The following SH3RF2 variants were observed in gnomAD, a reference collection of about 807,000 sequenced individuals.
SH3RF2 encodes the protein E3 ubiquitin-protein ligase SH3RF2.
A neutral mutation model predicts 59.0 loss-of-function variants in SH3RF2; 43 were observed. The ratio of observed to expected loss-of-function variants is 0.73; its 90% CI spans 0.57 to 0.94. SH3RF2 has a LOEUF of 0.94. Ranked by LOEUF, SH3RF2 falls within the 40% of genes least tolerant of loss-of-function variation. The pLI is 0.00. For synonymous variants in SH3RF2, 391 were observed against 391.5 expected, an observed-to-expected ratio of 1.00 and a Z score of 0.01; for missense variants, 930 against 940.1, an observed-to-expected ratio of 0.99 and a Z score of 0.14.
In SH3RF2 at chr5:145,965,357, G is replaced by T. The variant is rs562777403; in HGVS notation, c.378+27051G>T. On this transcript the variant is annotated intron_variant, in intron 2 of 9. Coordinates refer to ENST00000359120, the MANE Select transcript of SH3RF2 (RefSeq NM_152550.4). ...GGTAGTCACTAAGTGAAGAGTCTTG[G>T]GAGTTCACTTGGTTATCTGGGGCTT... Among the ~76,000 whole-genome samples the T allele has an allele frequency of 4.4e-4, 67 of 152,224 alleles. 1 individual carries two copies. In the South Asian group the frequency reaches 0.012, roughly 27 times the overall value.
At chr5:145,997,597 G>T (rs1404460743) in intron 2 of SH3RF2, 85 of 1,604,244 alleles carry the variant, frequency 5.3e-5, no homozygotes, top group Non-Finnish European at 1.7e-6. Context: ...GCGAGAAAAG[G>T]TTTTAAGTTT....
chr5:146,049,096 C>T lies in SH3RF2; in HGVS notation c.1173C>T (p.Tyr391=). The change falls in exon 7 of 10, where the codon TAC becomes TAT. Residue 391 remains tyrosine, a synonymous_variant. Transcript: ENST00000359120. ...SANMFVALHS[Y]SAHGPDELDL... ...CCAGGTTTGTAGCCCTGCACTCCTA[C>T]TCAGCCCATGGACCCGATGAGCTGG... 1.2e-6 allele frequency: 2 copies of T among 1,614,194 alleles called. No homozygotes were observed. The highest frequency in any genetic ancestry group is 8.5e-7 in the Non-Finnish European group (1 of 1,180,046).
chr5:146,058,658 A>G lies in SH3RF2; in HGVS notation c.1556-1208A>G, dbSNP rs80039842. 5.3e-3 allele frequency among the ~76,000 whole-genome samples: 802 copies of G among 152,196 alleles called. 15 individuals carry two copies. Among genetic ancestry groups the G allele is most frequent in the East Asian group, 0.044 (227 of 5,164 alleles). On this transcript the variant is annotated intron_variant, in intron 8 of 9. Coordinates refer to ENST00000359120, the MANE Select transcript of SH3RF2 (RefSeq NM_152550.4). ...GACTAACAACGCTGGCTGGGACAAA[A>G]CCTACAGCTTCTCTAAATGCTGAGG...
intron 9 of SH3RF2, among the ~76,000 whole-genome samples, chr5:146,072,400 T>C (rs977244722): frequency 6.6e-6 from 1 of 152,188 alleles, no homozygotes; most frequent in Admixed American, 6.5e-5. Context: ...AGGCTGGGCA[T>C]GGTGGCTCAC....
At chr5:146,047,694 A>G (rs1369126833) in intron 5 of SH3RF2, 78 bp from the exon 6 acceptor site, 10 of 1,354,558 alleles carry the variant, frequency 7.4e-6, no homozygotes, top group South Asian at 1.2e-5. Flanking sequence ...AGGTCTTTCT[A>G]CGTAGCTGCT....
At chr5:146,043,159 T>A (rs1762184766) in intron 5 of SH3RF2, 1 of 152,362 alleles carries the variant, frequency 6.6e-6, no homozygotes, top group Non-Finnish European at 1.5e-5. Context: ...GTTCTGCCTG[T>A]CTTCTTTCCC....
chr5:146,077,090 A>C lies in SH3RF2; in HGVS notation c.*34-1370A>C, dbSNP rs531536717. Among the ~76,000 whole-genome samples the C allele has an allele frequency of 3.9e-5, 6 of 152,292 alleles. No homozygotes were observed. In the South Asian group the frequency reaches 1.2e-3, roughly 32 times the overall value. ...TAGCTTTCTCCTTTCCTCCTCCAGC[A>C]TGGTTAGTTTGGACTTTATTTGTAC... On this transcript the variant is annotated intron_variant, in intron 9 of 9. Transcript: ENST00000511217.
intron 5 of SH3RF2, among the ~76,000 whole-genome samples, chr5:146,037,397 G>A (rs1761977928): frequency 6.6e-6 from 1 of 152,170 alleles, no homozygotes; most frequent in Admixed American, 6.5e-5. Flanking sequence ...CCTCCTAACT[G>A]TGACTGCTCC....
downstream of SH3RF2, among the ~76,000 whole-genome samples, chr5:146,064,811 A>AGGAAGGAAG (rs1491122347): frequency 1.1e-3 from 16 of 14,024 alleles, no homozygotes; most frequent in East Asian, 3.0e-3. Context: ...AAGGAAGGAA[A>AGGAAGGAAG]GAAAGAAAGA....
chr5:146,034,190 G>A (rs1761844625), intron 5 of SH3RF2, among the ~76,000 whole-genome samples: 1 of 152,232 alleles, frequency 6.6e-6, no homozygotes, highest in Non-Finnish European at 1.5e-5. Context: ...ATTATCTGAA[G>A]GGTTTTATTC....
intron 2 of SH3RF2, among the ~76,000 whole-genome samples, chr5:145,939,814 TC>T (rs2149937136): frequency 6.6e-6 from 1 of 152,264 alleles, no homozygotes; most frequent in African/African-American, 2.4e-5. Context: ...CCTAGCAACC[TC>T]TTCCCTTCCC....
At chr5:146,007,708 C>T (rs1226127765) in intron 4 of SH3RF2, among the ~76,000 whole-genome samples, 4 of 152,180 alleles carry the variant, frequency 2.6e-5, no homozygotes, top group Admixed American at 1.3e-4. Flanking sequence ...GACACTTCAC[C>T]TCTAAAATTA....
At chr5:146,017,836 C>T (rs1761165153) in intron 5 of SH3RF2, among the ~76,000 whole-genome samples, 1 of 151,928 alleles carries the variant, frequency 6.6e-6, no homozygotes, top group Non-Finnish European at 1.5e-5. Context: ...CCCAATCCCT[C>T]CCAACCCCAT....
rs755645411 is a variant in SH3RF2, at chr5:145,938,079, G to A, written c.151G>A (p.Glu51Lys). Residue 51 changes from glutamate (E) to lysine (K), a missense_variant, in exon 2 of 10, where the codon GAA (glutamate) becomes AAA (lysine). Transcript: ENST00000359120. The part of the protein sequence containing the change: ...FKAHKELRCP[E>K]CRTPVFSNIE... ...GGCCCACAAAGAGCTGCGGTGCCCC[G>A]AATGCAGGACGCCTGTGTTTTCCAA... 5.0e-6 allele frequency: 8 copies of A among 1,614,240 alleles called. No individual in the cohort carries two copies. The highest frequency in any genetic ancestry group is 3.3e-5 in the Admixed American group (2 of 60,032).
At chr5:145,937,795 T>C (rs760934901) in intron 1 of SH3RF2, 28 bp from the exon 2 acceptor site, 1 of 1,035,488 alleles carries the variant, frequency 9.7e-7, no homozygotes, top group Non-Finnish European at 1.4e-6. Flanking sequence ...TCACATTTTT[T>C]TTTCTCTCCT....
chr5:146,070,893 A>G (rs750991523), intron 9 of SH3RF2, among the ~76,000 whole-genome samples: 2 of 152,230 alleles, frequency 1.3e-5, no homozygotes, highest in African/African-American at 2.4e-5. Context: ...CTAGGGAGAA[A>G]GGCAAAAGAC....
intron 5 of SH3RF2, among the ~76,000 whole-genome samples, chr5:146,016,647 G>GTC (rs1450113743): frequency 6.6e-6 from 1 of 152,128 alleles, no homozygotes; most frequent in African/African-American, 2.4e-5. Flanking sequence ...ATTTAGAATT[G>GTC]TCTAATTCTA....
chr5:145,958,276 G>A (rs563070569), intron 2 of SH3RF2, among the ~76,000 whole-genome samples: 10 of 152,296 alleles, frequency 6.6e-5, no homozygotes, highest in Admixed American at 6.5e-4. Context: ...GCGGAACCCT[G>A]TAAGGCTGAA....
intron 5 of SH3RF2, among the ~76,000 whole-genome samples, chr5:146,046,063 A>G (rs1762293070): frequency 2.0e-5 from 3 of 152,350 alleles, no homozygotes; most frequent in South Asian, 2.1e-4. Context: ...ATGACCACAC[A>G]TACATTTACG....
Sources: gnomAD v4.1 joint callset for allele counts (sites outside exome capture counted in the v4.1 genomes callset) on GRCh38, gnomAD v4.1.1 for gene constraint, MANE v1.5 for transcripts, NCBI Gene and HGNC (gene_info 2026-07-23, HGNC 2026-07-21) for gene names.